Variants in ADTRP observed in about 807,000 individuals in gnomAD.
The protein encoded by ADTRP is androgen-dependent TFPI-regulating protein.
A neutral mutation model predicts 27.0 loss-of-function variants in ADTRP; 20 were observed. The observed-to-expected ratio is 0.74, with a 90% CI of 0.52 to 1.08. The LOEUF is 1.08. Ranked by LOEUF, ADTRP falls within the 50% of genes least tolerant of loss-of-function variation. The pLI is 0.00. For missense variants in ADTRP, 251 were observed against 275.0 expected (o/e 0.91, Z 0.62); for synonymous variants, 101 against 105.2 (o/e 0.96, Z 0.25).
intron 1 of ADTRP, among the ~76,000 whole-genome samples, chr6:11,774,289 A>G (rs1338791195): frequency 7.2e-6 from 1 of 138,340 alleles, no homozygotes; most frequent in Non-Finnish European, 1.6e-5. Flanking sequence ...AGCCTGGGGG[A>G]ACAGAGAGAG....
intron 1 of ADTRP, among the ~76,000 whole-genome samples, chr6:11,776,434 TTC>T (rs1199566288): frequency 6.6e-6 from 1 of 152,140 alleles, no homozygotes; most frequent in African/African-American, 2.4e-5. Context: ...TAAAAAAAAC[TTC>T]TGTTTTGGAG....
chr6:11,750,358 G>A (rs1311408757), intron 3 of ADTRP, among the ~76,000 whole-genome samples: 1 of 152,208 alleles, frequency 6.6e-6, no homozygotes, highest in African/African-American at 2.4e-5. Flanking sequence ...TAGTTCTGTA[G>A]GCTTGTGTGC....
At chr6:11,721,182 G>A (rs1031864437) in intron 5 of ADTRP, among the ~76,000 whole-genome samples, 1 of 152,214 alleles carries the variant, frequency 6.6e-6, no homozygotes, top group Non-Finnish European at 1.5e-5. Context: ...AGAGGCGAGT[G>A]TTGAAATGCA....
intron 1 of ADTRP, among the ~76,000 whole-genome samples, chr6:11,775,118 G>A (rs1169499560): frequency 1.1e-4 from 17 of 152,182 alleles, no homozygotes; most frequent in Non-Finnish European, 2.1e-4. Flanking sequence ...GCAGCTCGGG[G>A]AGGGAGAAAT....
Position 11,728,945 on chromosome 6 carries a change from G to C in ADTRP, c.507-5445C>G, listed in dbSNP as rs568945788. The stretch of plus-strand genomic sequence containing the variant: ...CAATGACGTTGCCCCTCAGTTCAAA[G>C]AGCAATTTCACATCTTTCTTGAGCC... On this transcript the variant is annotated intron_variant, in intron 4 of 5. Transcript: ENST00000414691. Among the ~76,000 whole-genome samples the C allele has an allele frequency of 5.4e-4, 83 of 152,314 alleles. 2 individuals carry two copies. In the South Asian group the frequency reaches 0.011, roughly 21 times the overall value.
chr6:11,770,971 G>T (rs559170960), intron 1 of ADTRP, among the ~76,000 whole-genome samples: 3 of 152,318 alleles, frequency 2.0e-5, no homozygotes, highest in South Asian at 4.1e-4. Context: ...CCCTCTCTGG[G>T]GAGAGGCCGC....
chr6:11,735,958 T>G, intron 3 of ADTRP: 1 of 297,802 alleles, frequency 3.4e-6, no homozygotes, highest in Non-Finnish European at 6.4e-6. Flanking sequence ...CTACTTTTTT[T>G]TGGCGGGGGT....
rs2113343473 is a variant in ADTRP, at chr6:11,769,926, T to A, written c.154-1543A>T. The A allele has an allele frequency of 6.5e-6, 8 of 1,235,116 alleles. No individual in the cohort carries two copies. The East Asian group carries it at 1.3e-4, about 20-fold the overall frequency. 76.5% of individuals were successfully genotyped at this position (1,235,116 alleles called of 1,614,324 possible). ...GCGGACTTTTATTCATTACTTGGTA[T>A]GTGCCAGGCACTGAACTGTGTTTCA... On this transcript the variant is annotated intron_variant, in intron 1 of 5. Coordinates refer to ENST00000414691, the MANE Select transcript of ADTRP (RefSeq NM_032744.4).
At chr6:11,726,673 T>C (rs1762214484) in intron 4 of ADTRP, among the ~76,000 whole-genome samples, 1 of 152,218 alleles carries the variant, frequency 6.6e-6, no homozygotes, top group African/African-American at 2.4e-5. Context: ...AGTTATTGTT[T>C]AACGGGTAGA....
chr6:11,764,252 G>A (rs995994832), intron 3 of ADTRP, among the ~76,000 whole-genome samples: 1 of 152,164 alleles, frequency 6.6e-6, no homozygotes, highest in African/African-American at 2.4e-5. Flanking sequence ...AATCCATATG[G>A]CTGTTTATTT....
rs550970034 is a variant in ADTRP, at chr6:11,723,314, A to C, written c.658+35T>G. The C allele has an allele frequency of 2.5e-6, 4 of 1,608,772 alleles. No individual in the cohort carries two copies. The East Asian group carries it at 8.9e-5, about 36-fold the overall frequency. ...TGAAGGGGAGAGGCAGACACGGAAG[A>C]AGCGCATCTGTAGCTAAGAAAGAAA... On this transcript the variant is annotated intron_variant, in intron 5 of 5. Coordinates refer to ENST00000414691, the MANE Select transcript of ADTRP (RefSeq NM_032744.4).
intron 5 of ADTRP, among the ~76,000 whole-genome samples, chr6:11,719,291 C>A (rs1375782255): frequency 1.3e-5 from 2 of 152,230 alleles, no homozygotes; most frequent in Non-Finnish European, 2.9e-5. Flanking sequence ...AAATCAGAAT[C>A]CACACTTTAA....
intron 5 of ADTRP, among the ~76,000 whole-genome samples, chr6:11,718,453 A>G (rs1761905019): frequency 1.3e-5 from 2 of 152,198 alleles, no homozygotes; most frequent in Non-Finnish European, 2.9e-5. Flanking sequence ...AAAGAAAAAA[A>G]AGAAAATTAA....
At chr6:11,719,921 G>A (rs761397639) in intron 5 of ADTRP, among the ~76,000 whole-genome samples, 5 of 152,134 alleles carry the variant, frequency 3.3e-5, no homozygotes, top group Non-Finnish European at 5.9e-5. Context: ...TGCTGTAGGC[G>A]CTAGATCCTC....
At chr6:11,720,475 C>CTTTTTTTT (rs1554110970) in intron 5 of ADTRP, among the ~76,000 whole-genome samples, 1 of 148,802 alleles carries the variant, frequency 6.7e-6, no homozygotes, top group African/African-American at 2.5e-5. Flanking sequence ...GGGATATACC[C>CTTTTTTTT]TTTTCTTTTT....
At chr6:11,765,474 C>G (rs534823869) in intron 3 of ADTRP, among the ~76,000 whole-genome samples, 24 of 151,798 alleles carry the variant, frequency 1.6e-4, no homozygotes, top group African/African-American at 4.4e-4. Context: ...ATTACAGGAG[C>G]GTGCCACCAC....
intron 5 of ADTRP, among the ~76,000 whole-genome samples, chr6:11,720,275 T>C (rs1327537086): frequency 6.6e-6 from 1 of 152,120 alleles, no homozygotes; most frequent in Non-Finnish European, 1.5e-5. Flanking sequence ...GGCTCACTAG[T>C]AGGGGAACCA....
chr6:11,742,779 T>C (rs1394874416), intron 3 of ADTRP, among the ~76,000 whole-genome samples: 1 of 152,006 alleles, frequency 6.6e-6, no homozygotes. Flanking sequence ...AGTGAGGAGG[T>C]AATATTTTAT....
intron 4 of ADTRP, among the ~76,000 whole-genome samples, chr6:11,730,740 C>G (rs1322277469): frequency 6.6e-6 from 1 of 152,216 alleles, no homozygotes; most frequent in Non-Finnish European, 1.5e-5. Context: ...AGGGACTTTA[C>G]AAACATCTGC....
Sources: allele counts gnomAD v4.1 joint callset (sites outside exome capture counted in the v4.1 genomes callset), GRCh38; gene constraint gnomAD v4.1.1; transcripts MANE v1.5; gene names NCBI Gene and HGNC (gene_info 2026-07-23, HGNC 2026-07-21).